The following ZNF664 variants were observed in gnomAD, a reference collection of about 807,000 sequenced individuals.
ZNF664 encodes zinc finger protein 664, also known as zinc finger Organ of Corti 1.
ZNF664 carries 10 observed loss-of-function variants against 18.2 expected under a neutral mutation model. That is an observed-to-expected ratio of 0.55 (90% confidence interval 0.34 to 0.93). The LOEUF (loss-of-function observed/expected upper bound fraction) is 0.93, where lower values mean the gene tolerates loss of function less well. Among genes scored for constraint, ZNF664 ranks in the 40% least tolerant of loss-of-function variants. The pLI is 0.02. For synonymous variants in ZNF664, 119 were observed against 104.2 expected (o/e 1.14, Z -0.86); for missense variants, 193 against 319.0 (o/e 0.61, Z 3.01).
intron 2 of ZNF664, 68 bp from the exon 3 acceptor site, chr12:123,987,975 A>G: frequency 8.1e-7 from 1 of 1,230,394 alleles, no homozygotes; most frequent in Non-Finnish European, 1.0e-6. Context: ...CTAGTTCATG[A>G]AAACATTTTG....
chr12:123,996,016 A>C (rs1174400246), intron 3 of ZNF664, among the ~76,000 whole-genome samples: 2 of 152,170 alleles, frequency 1.3e-5, no homozygotes, highest in Non-Finnish European at 2.9e-5. Flanking sequence ...GTTAGAGTGC[A>C]GTTAGGAAAG....
At chr12:123,988,594 C>T (rs1566198688) in intron 3 of ZNF664, among the ~76,000 whole-genome samples, 3 of 149,972 alleles carry the variant, frequency 2.0e-5, no homozygotes, top group Admixed American at 6.6e-5. Context: ...TTTTTTTTTT[C>T]CCCAACGTCT....
Position 124,011,934 on chromosome 12 carries a change from A to G in ZNF664, c.-211A>G, listed in dbSNP as rs2138465940. ...TCAATGTCACTTTATAATCGATAAT[A>G]ATACTGAGTGAGGAACACTATGCAG... On this transcript the variant is annotated 5_prime_UTR_variant, in exon 5 of 5. It adds an upstream start codon to the 5' untranslated region. Coordinates refer to ENST00000337815, the MANE Select transcript of ZNF664 (RefSeq NM_152437.3). 7.2e-7 allele frequency: 1 copy of G among 1,386,164 alleles called. No homozygotes were observed. Among genetic ancestry groups the G allele is most frequent in the East Asian group, 2.7e-5 (1 of 36,710 alleles). 85.9% of individuals were successfully genotyped at this position (1,386,164 alleles called of 1,614,324 possible).
At chr12:123,991,267 A>G (rs1389106809) in intron 3 of ZNF664, among the ~76,000 whole-genome samples, 1 of 152,214 alleles carries the variant, frequency 6.6e-6, no homozygotes, top group Non-Finnish European at 1.5e-5. Flanking sequence ...ACAGCAGGAA[A>G]AAAAAGTAGT....
chr12:123,981,329 A>G (rs985289464), intron 2 of ZNF664, among the ~76,000 whole-genome samples: 5 of 152,244 alleles, frequency 3.3e-5, no homozygotes, highest in Admixed American at 2.0e-4. Context: ...CTTAATCCCC[A>G]ATGTGACAGT....
chr12:123,973,299 G>C lies in ZNF664; in HGVS notation c.-945G>C, dbSNP rs950334534. 2.7e-5 allele frequency: 27 copies of C among 984,412 alleles called. No individual in the cohort carries two copies. Among genetic ancestry groups the C allele is most frequent in the Non-Finnish European group, 3.3e-5 (27 of 829,836 alleles). 61.0% of individuals were successfully genotyped at this position (984,412 alleles called of 1,614,324 possible). ...CACCTGTGAGGTGTCCCTGAGGAGA[G>C]GGAGGTGGGTGCGCGGCGCCCGCGG... On this transcript the variant is annotated 5_prime_UTR_variant, in exon 1 of 5. Coordinates refer to ENST00000337815, the MANE Select transcript of ZNF664 (RefSeq NM_152437.3).
chr12:124,011,580 A>C lies in ZNF664; in HGVS notation c.-565A>C. ...TGATACCCATGTAGGGAATTCCCCA[A>C]AGCAGGGCTTGCCATACCTGGACCC... On this transcript the variant is annotated 5_prime_UTR_variant, in exon 5 of 5. Coordinates refer to ENST00000337815, the MANE Select transcript of ZNF664 (RefSeq NM_152437.3). The C allele has an allele frequency of 2.0e-6, 2 of 988,370 alleles. No homozygotes were observed. Among genetic ancestry groups the C allele is most frequent in the Non-Finnish European group, 1.2e-6 (1 of 832,312 alleles). 61.2% of individuals were successfully genotyped at this position (988,370 alleles called of 1,614,324 possible). A position where few individuals can be genotyped will look rare whatever the true frequency, so the allele number is the denominator to read the frequency against.
chr12:123,995,460 T>A (rs1308444877), intron 3 of ZNF664, among the ~76,000 whole-genome samples: 1 of 152,244 alleles, frequency 6.6e-6, no homozygotes, highest in Non-Finnish European at 1.5e-5. Flanking sequence ...CGCTGCTCCA[T>A]GGCTCAGTTT....
At chr12:123,999,798 T>C (rs79533202) in intron 3 of ZNF664, among the ~76,000 whole-genome samples, 2,886 of 152,288 alleles carry the variant, frequency 0.019, 42 homozygotes, top group Non-Finnish European at 0.029. Context: ...CTCTGATGGG[T>C]TCTCCCTTTT....
At chr12:123,982,938 T>C (rs1205105481) in intron 2 of ZNF664, among the ~76,000 whole-genome samples, 1 of 152,142 alleles carries the variant, frequency 6.6e-6, no homozygotes, top group African/African-American at 2.4e-5. Flanking sequence ...GCAGATGGCT[T>C]GAGGCTGGGA....
chr12:124,005,443 G>A (rs1957060000), intron 3 of ZNF664, among the ~76,000 whole-genome samples: 1 of 150,832 alleles, frequency 6.6e-6, no homozygotes. Context: ...AGTTTCCAAA[G>A]TTTGTTACTT....
chr12:123,999,268 A>G (rs1424339772), intron 3 of ZNF664, among the ~76,000 whole-genome samples: 1 of 152,116 alleles, frequency 6.6e-6, no homozygotes, highest in African/African-American at 2.4e-5. Context: ...TTTCACTTTT[A>G]TCTTTCCCAG....
chr12:124,006,057 G>A (rs536874818), intron 3 of ZNF664: 1 of 152,540 alleles, frequency 6.6e-6, no homozygotes, highest in South Asian at 2.1e-4. Flanking sequence ...CTGATGTCAA[G>A]GCTGAATGGC....
intron 2 of ZNF664, among the ~76,000 whole-genome samples, chr12:123,978,618 A>G (rs905702861): frequency 4.6e-5 from 7 of 152,212 alleles, no homozygotes; most frequent in Admixed American, 6.5e-5. Context: ...ATTACAATTG[A>G]AATCCCAGTG....
At chr12:124,001,912 A>G (rs182278844) in intron 3 of ZNF664, among the ~76,000 whole-genome samples, 22 of 152,366 alleles carry the variant, frequency 1.4e-4, no homozygotes, top group Non-Finnish European at 2.6e-4. Context: ...CAAATTTCAT[A>G]AATTCTCTGC....
intron 2 of ZNF664, among the ~76,000 whole-genome samples, chr12:123,983,990 C>T (rs1388594226): frequency 6.6e-6 from 1 of 152,142 alleles, no homozygotes; most frequent in Non-Finnish European, 1.5e-5. Flanking sequence ...GATTTCAAGT[C>T]CTAACTCCTT....
chr12:123,974,343 GA>G (rs34300208), intron 2 of ZNF664: 2 of 271,634 alleles, frequency 7.4e-6, no homozygotes, highest in African/African-American at 2.2e-5. Flanking sequence ...ACCAGATACC[GA>G]AAAAAGATTT....
At chr12:123,979,870 G>A (rs1956741901) in intron 2 of ZNF664, among the ~76,000 whole-genome samples, 1 of 152,020 alleles carries the variant, frequency 6.6e-6, no homozygotes. Flanking sequence ...TTTTTGTAGA[G>A]ACGGAGTCTC....
At chr12:123,976,170 C>T (rs990932432) in intron 2 of ZNF664, among the ~76,000 whole-genome samples, 10 of 152,110 alleles carry the variant, frequency 6.6e-5, no homozygotes, top group African/African-American at 1.7e-4. Context: ...CACAACTACA[C>T]GTATGATCAC....
Sources: allele counts gnomAD v4.1 joint callset (sites outside exome capture counted in the v4.1 genomes callset), GRCh38; gene constraint gnomAD v4.1.1; transcripts MANE v1.5; gene names NCBI Gene and HGNC (gene_info 2026-07-23, HGNC 2026-07-21).